ST6GAL2: variants seen among roughly 807,000 people sequenced by gnomAD.
ST6GAL2 encodes ST6 beta-galactoside alpha-2,6-sialyltransferase 2, also known as beta-galactoside alpha-2,6-sialyltransferase 2.
A neutral mutation model predicts 37.5 loss-of-function variants in ST6GAL2; 24 were observed. The ratio of observed to expected loss-of-function variants is 0.64; its 90% CI spans 0.46 to 0.90. ST6GAL2 has a LOEUF of 0.90. ST6GAL2 is among the 40% of genes least tolerant of loss of function. The pLI is 0.00. For missense variants in ST6GAL2, 715 were observed against 712.7 expected (o/e 1.00, Z -0.04); for synonymous variants, 306 against 295.1 (o/e 1.04, Z -0.38).
chr2:106,855,407 A>G (rs1677534748), intron 1 of ST6GAL2, among the ~76,000 whole-genome samples: 1 of 152,262 alleles, frequency 6.6e-6, no homozygotes, highest in African/African-American at 2.4e-5. Context: ...TCTGTGGGTA[A>G]ACTTCCTGTG....
At chr2:106,811,976 C>G (rs186425313) in intron 5 of ST6GAL2, among the ~76,000 whole-genome samples, 2 of 152,200 alleles carry the variant, frequency 1.3e-5, no homozygotes, top group African/African-American at 4.8e-5. Flanking sequence ...GACTGAATTC[C>G]CCCAGCAATG....
intron 1 of ST6GAL2, among the ~76,000 whole-genome samples, chr2:106,870,501 A>G (rs1678219652): frequency 6.6e-6 from 1 of 152,176 alleles, no homozygotes; most frequent in South Asian, 2.1e-4. Flanking sequence ...CTCAAGGAAT[A>G]TAAATCAGTT....
intron 1 of ST6GAL2, among the ~76,000 whole-genome samples, chr2:106,877,525 C>T (rs1304972458): frequency 6.6e-6 from 1 of 152,220 alleles, no homozygotes; most frequent in African/African-American, 2.4e-5. Flanking sequence ...CCATCATAAA[C>T]AATGGGGCCT....
intron 1 of ST6GAL2, among the ~76,000 whole-genome samples, chr2:106,860,545 C>T (rs6747808): frequency 0.053 from 8,030 of 152,134 alleles, 672 homozygotes; most frequent in African/African-American, 0.18. Context: ...AAGGGCAGGG[C>T]AGCTGAGAGC....
chr2:106,815,190 C>T (rs1482405252), intron 5 of ST6GAL2, among the ~76,000 whole-genome samples: 1 of 152,166 alleles, frequency 6.6e-6, no homozygotes. Context: ...TAATTAGAAA[C>T]TCAACTACAT....
At chr2:106,864,588 A>G (rs529011189) in intron 1 of ST6GAL2, among the ~76,000 whole-genome samples, 81 of 152,348 alleles carry the variant, frequency 5.3e-4, no homozygotes, top group African/African-American at 1.6e-3. Context: ...CATTTCCAAC[A>G]TAAGTTTTTT....
chr2:106,844,897 T>C (rs748984887), intron 1 of ST6GAL2, among the ~76,000 whole-genome samples: 7 of 152,134 alleles, frequency 4.6e-5, no homozygotes, highest in Non-Finnish European at 7.4e-5. Context: ...GCAACTAATA[T>C]GTATTGCTGT....
chr2:106,875,457 C>T (rs1245563710), intron 1 of ST6GAL2, among the ~76,000 whole-genome samples: 3 of 152,174 alleles, frequency 2.0e-5, no homozygotes, highest in African/African-American at 2.4e-5. Flanking sequence ...GGATTACAGG[C>T]GTGAGCCACT....
intron 5 of ST6GAL2, among the ~76,000 whole-genome samples, chr2:106,824,323 A>G (rs557259362): frequency 2.0e-5 from 3 of 152,234 alleles, no homozygotes; most frequent in Non-Finnish European, 4.4e-5. Context: ...TTGTATTTGT[A>G]GTTAAAACAT....
At chr2:106,833,947 C>T in intron 3 of ST6GAL2, 102 bp downstream of exon 3, 1 of 744,706 alleles carries the variant, frequency 1.3e-6, no homozygotes, top group Non-Finnish European at 2.3e-6. Flanking sequence ...TCATAATTAA[C>T]CAGGTAACTT....
At chr2:106,824,108 A>C (rs1676111787) in intron 5 of ST6GAL2, among the ~76,000 whole-genome samples, 1 of 152,164 alleles carries the variant, frequency 6.6e-6, no homozygotes, top group Admixed American at 6.5e-5. Flanking sequence ...TGCTTTTTGC[A>C]AACTTATACC....
chr2:106,882,139 T>C (rs893327925), intron 1 of ST6GAL2, among the ~76,000 whole-genome samples: 1 of 152,220 alleles, frequency 6.6e-6, no homozygotes, highest in Non-Finnish European at 1.5e-5. Context: ...ATGCTTTCTG[T>C]ATACATGGGC....
chr2:106,811,436 A>C (rs570772895), intron 5 of ST6GAL2, among the ~76,000 whole-genome samples: 2 of 152,270 alleles, frequency 1.3e-5, no homozygotes, highest in South Asian at 4.2e-4. Flanking sequence ...TAGAGTCTTT[A>C]AGTGCTGTTT....
chr2:106,874,742 A>G (rs1350951853), intron 1 of ST6GAL2, among the ~76,000 whole-genome samples: 1 of 152,236 alleles, frequency 6.6e-6, no homozygotes, highest in East Asian at 1.9e-4. Context: ...TAGAAACTGT[A>G]TATGTCACTG....
At chr2:106,823,093 T>A (rs1335787055) in intron 5 of ST6GAL2, 1 of 152,198 alleles carries the variant, frequency 6.6e-6, no homozygotes, top group Non-Finnish European at 1.5e-5. Flanking sequence ...GTCAATGTGT[T>A]CTTCAAATTT....
Position 106,803,611 on chromosome 2 carries a change from GTAA to G in ST6GAL2, c.*3064_*3066del, listed in dbSNP as rs753461656. 1.1e-5 allele frequency: 1 copy of G among 94,460 alleles called. No individual in the cohort carries two copies. Among genetic ancestry groups the G allele is most frequent in the Non-Finnish European group, 2.1e-5 (1 of 48,088 alleles). 5.9% of individuals were successfully genotyped at this position (94,460 alleles called of 1,614,324 possible). On this transcript the variant is annotated 3_prime_UTR_variant, in exon 6 of 6. Coordinates refer to ENST00000409382, the MANE Select transcript of ST6GAL2 (RefSeq NM_001142351.2). ...ATTGCTGCTCAAAATTTGTTTCTTTGTAACAACAACAACAACAACAACAACAAC... is the reference window on the plus strand; with the variant it reads ...ATTGCTGCTCAAAATTTGTTTCTTTGCAACAACAACAACAACAACAACAAC...
intron 1 of ST6GAL2, among the ~76,000 whole-genome samples, chr2:106,885,572 G>A (rs1428604235): frequency 6.6e-6 from 1 of 152,130 alleles, no homozygotes; most frequent in Non-Finnish European, 1.5e-5. Context: ...AAATCCGAAT[G>A]AGATGGACGT....
chr2:106,830,292 G>T (rs1167901998), intron 4 of ST6GAL2, 52 bp from the exon 5 acceptor site: 1 of 1,511,894 alleles, frequency 6.6e-7, no homozygotes, highest in Admixed American at 1.8e-5. Flanking sequence ...AACTATGAAA[G>T]GAGACAGGGC....
chr2:106,861,064 GAA>G (rs2104580351), intron 1 of ST6GAL2, among the ~76,000 whole-genome samples: 1 of 152,238 alleles, frequency 6.6e-6, no homozygotes, highest in Admixed American at 6.5e-5. Context: ...AAAATTAAAA[GAA>G]GAGTAGAAGA....
Sources: allele counts gnomAD v4.1 joint callset (sites outside exome capture counted in the v4.1 genomes callset), GRCh38; gene constraint gnomAD v4.1.1; transcripts MANE v1.5; gene names NCBI Gene and HGNC (gene_info 2026-07-23, HGNC 2026-07-21).